The following PARD3 variants were observed in gnomAD, a reference collection of about 807,000 sequenced individuals.
The protein encoded by PARD3 is par-3 family cell polarity regulator.
PARD3 carries 75 observed loss-of-function variants against 155.4 expected under a neutral mutation model. The observed-to-expected ratio is 0.48, with a 90% CI of 0.40 to 0.58. PARD3 has a LOEUF of 0.58. Ranked by LOEUF, PARD3 falls within the 20% of genes least tolerant of loss-of-function variation. The pLI is 0.00. For missense variants in PARD3, 1,642 were observed against 1,721.7 expected (o/e 0.95, Z 0.82); for synonymous variants, 576 against 610.5 (o/e 0.94, Z 0.83).
chr10:34,534,252 C>T (rs1218645919), intron 2 of PARD3, among the ~76,000 whole-genome samples: 3 of 148,940 alleles, frequency 2.0e-5, no homozygotes, highest in East Asian at 4.0e-4. Context: ...GGTGACAGAG[C>T]GAGACTCCAT....
intron 22 of PARD3, among the ~76,000 whole-genome samples, chr10:34,137,414 G>A (rs561598207): frequency 4.9e-4 from 75 of 152,270 alleles, no homozygotes; most frequent in Non-Finnish European, 9.1e-4. Context: ...AACCCAGTCT[G>A]GCTGACTCCT....
intron 15 of PARD3, among the ~76,000 whole-genome samples, chr10:34,347,260 C>A (rs956027486): frequency 2.2e-4 from 34 of 152,206 alleles, no homozygotes; most frequent in African/African-American, 8.2e-4. Flanking sequence ...AGATGAGCAG[C>A]TCAGTAAATC....
chr10:34,309,462 G>A (rs1957582917), intron 20 of PARD3, among the ~76,000 whole-genome samples: 1 of 149,360 alleles, frequency 6.7e-6, no homozygotes, highest in Non-Finnish European at 1.5e-5. Flanking sequence ...GAAGGCTGAG[G>A]TGGGAGCATC....
intron 24 of PARD3, among the ~76,000 whole-genome samples, chr10:34,113,945 G>A (rs1320920298): frequency 1.3e-5 from 2 of 152,224 alleles, no homozygotes; most frequent in African/African-American, 4.8e-5. Context: ...TGAAGACAAA[G>A]TCACTCTGCC....
At chr10:34,507,947 T>C (rs951191940) in intron 3 of PARD3, among the ~76,000 whole-genome samples, 3 of 152,218 alleles carry the variant, frequency 2.0e-5, no homozygotes, top group South Asian at 2.1e-4. Flanking sequence ...ATTTGCAATA[T>C]GTACTTACAT....
chr10:34,807,060 G>A (rs1480701607), intron 1 of PARD3, among the ~76,000 whole-genome samples: 11 of 152,198 alleles, frequency 7.2e-5, no homozygotes, highest in Non-Finnish European at 2.9e-5. Flanking sequence ...GGCGAGCTGG[G>A]TAGAAGGAGT....
At chr10:34,537,481 C>A (rs1168828759) in intron 2 of PARD3, among the ~76,000 whole-genome samples, 1 of 152,156 alleles carries the variant, frequency 6.6e-6, no homozygotes, top group Non-Finnish European at 1.5e-5. Context: ...TCTGCCAAAG[C>A]CAAGGAGACA....
intron 14 of PARD3, among the ~76,000 whole-genome samples, chr10:34,354,268 C>G (rs1035936107): frequency 1.1e-4 from 16 of 151,874 alleles, no homozygotes; most frequent in African/African-American, 3.9e-4. Flanking sequence ...GTCCCAGCTA[C>G]TTGGGAGGCT....
chr10:34,598,297 C>CA (rs11392037), intron 2 of PARD3, among the ~76,000 whole-genome samples: 77,776 of 151,712 alleles, frequency 0.51, 22,681 homozygotes, highest in African/African-American at 0.81. Flanking sequence ...ACAATTACCA[C>CA]AAAAAAATGA....
chr10:34,570,980 GC>G (rs1372429428), intron 2 of PARD3, among the ~76,000 whole-genome samples: 2 of 152,090 alleles, frequency 1.3e-5, no homozygotes, highest in African/African-American at 4.8e-5. Flanking sequence ...TGTGGAAGGG[GC>G]AGAACTACAC....
chr10:34,237,509 C>T, intron 22 of PARD3, among the ~76,000 whole-genome samples: 1 of 152,080 alleles, frequency 6.6e-6, no homozygotes, highest in East Asian at 1.9e-4. Context: ...AGAAATGCTG[C>T]TGTTTAACAA....
intron 23 of PARD3, among the ~76,000 whole-genome samples, chr10:34,129,698 C>T (rs1312295830): frequency 2.4e-3 from 145 of 59,736 alleles, no homozygotes; most frequent in Non-Finnish European, 4.4e-3. Context: ...AATGTCAAGC[C>T]TCTTTTTTTT....
intron 22 of PARD3, among the ~76,000 whole-genome samples, chr10:34,245,400 G>T (rs1034073301): frequency 6.6e-6 from 1 of 152,086 alleles, no homozygotes; most frequent in African/African-American, 2.4e-5. Flanking sequence ...AGAATGCCAC[G>T]CCAAGTAAGT....
intron 20 of PARD3, among the ~76,000 whole-genome samples, chr10:34,314,565 G>A (rs1035973714): frequency 1.8e-4 from 28 of 152,180 alleles, no homozygotes; most frequent in Admixed American, 6.5e-4. Flanking sequence ...TATGTTCACC[G>A]TGGGGTGCTA....
chr10:34,778,461 T>C (rs1225389951), intron 1 of PARD3, among the ~76,000 whole-genome samples: 3 of 152,204 alleles, frequency 2.0e-5, no homozygotes, highest in Non-Finnish European at 1.5e-5. Context: ...TCGTTTGTGT[T>C]GCTAAATGGC....
At chr10:34,319,309 G>C (rs563750236) in intron 19 of PARD3, among the ~76,000 whole-genome samples, 1 of 150,942 alleles carries the variant, frequency 6.6e-6, no homozygotes, top group African/African-American at 2.4e-5. Flanking sequence ...GGATGGTCTC[G>C]ATCTCTTGAC....
At chr10:34,323,888 G>A (rs1336524726) in intron 19 of PARD3, among the ~76,000 whole-genome samples, 1 of 152,220 alleles carries the variant, frequency 6.6e-6, no homozygotes, top group African/African-American at 2.4e-5. Context: ...CACAGTGGAT[G>A]CTGTTTTCTG....
intron 1 of PARD3, among the ~76,000 whole-genome samples, chr10:34,810,948 A>C (rs756023337): frequency 5.9e-5 from 9 of 152,074 alleles, no homozygotes; most frequent in African/African-American, 2.2e-4. Flanking sequence ...CCTATACCCA[A>C]GGTTAAATGG....
intron 1 of PARD3, among the ~76,000 whole-genome samples, chr10:34,754,716 C>A (rs1361448236): frequency 1.3e-5 from 2 of 152,214 alleles, no homozygotes; most frequent in African/African-American, 4.8e-5. Context: ...ATGCCAACCT[C>A]CAAAAACTAT....
Sources: gnomAD v4.1 joint callset for allele counts (sites outside exome capture counted in the v4.1 genomes callset) on GRCh38, gnomAD v4.1.1 for gene constraint, MANE v1.5 for transcripts, NCBI Gene and HGNC (gene_info 2026-07-23, HGNC 2026-07-21) for gene names.